BOC: variants seen among roughly 807,000 people sequenced by gnomAD.
BOC encodes the protein BOC cell adhesion associated, oncogene regulated.
A neutral mutation model predicts 112.0 loss-of-function variants in BOC; 76 were observed. The ratio of observed to expected loss-of-function variants is 0.68; its 90% CI spans 0.56 to 0.82. BOC has a LOEUF of 0.82. Ranked by LOEUF, BOC falls within the 40% of genes least tolerant of loss-of-function variation. The pLI is 0.00. For synonymous variants in BOC, 580 were observed against 599.8 expected (o/e 0.97, Z 0.48); for missense variants, 1,309 against 1,511.7 (o/e 0.87, Z 2.22).
At chr3:113,240,810 G>A (rs1435225827) in intron 2 of BOC, among the ~76,000 whole-genome samples, 1 of 152,074 alleles carries the variant, frequency 6.6e-6, no homozygotes, top group Non-Finnish European at 1.5e-5. Context: ...TCCTTTTTGA[G>A]CACTGGCGGG....
rs541196138 is a variant in BOC at position 113,264,330 on chromosome 3, C to CA, written c.377-3964dup. Among the ~76,000 whole-genome samples the CA allele has an allele frequency of 2.9e-4, 44 of 152,326 alleles. 1 individual carries two copies. In the East Asian group the frequency reaches 7.5e-3, roughly 26 times the overall value. On this transcript the variant is annotated intron_variant, in intron 4 of 19. Transcript: ENST00000682979. ...AGGGAAGGTAAGAGGATTAAAGCTG[C>CA]AAAAACATTCCTCTAATGGATTTCT... is the stretch of plus-strand genomic sequence containing the variant.
intron 16 of BOC, 146 bp downstream of exon 16, chr3:113,283,778 G>C (rs1305917726): frequency 2.7e-6 from 2 of 731,684 alleles, no homozygotes; most frequent in African/African-American, 3.6e-5. Flanking sequence ...CCAACGACTG[G>C]GCCCCTCCCC....
rs1949040305 is a variant in BOC at position 113,279,976 on chromosome 3, A to C, written c.2176A>C (p.Asn726His). 3.1e-6 allele frequency: 5 copies of C among 1,612,264 alleles called. No homozygotes were observed. Among genetic ancestry groups the C allele is most frequent in the Non-Finnish European group, 4.2e-6 (5 of 1,179,104 alleles). The change falls in exon 13 of 20, where the codon AAT becomes CAT. Residue 726 changes from asparagine to histidine, a missense_variant. By Grantham distance (68) the Asn-to-His change is moderately conservative (BLOSUM62 1). Coordinates refer to ENST00000682979, the MANE Select transcript of BOC (RefSeq NM_001378074.1). Reference protein sequence around the residue: ...GPYITFTDAVNETTIMLKWMY... With the variant: ...GPYITFTDAVHETTIMLKWMY... ...TTATATCACCTTCACGGATGCGGTC[A>C]ATGAGACCACCATCATGCTCAAGTG...
intron 2 of BOC, among the ~76,000 whole-genome samples, chr3:113,220,661 G>C (rs551590953): frequency 6.6e-6 from 1 of 152,166 alleles, no homozygotes; most frequent in Non-Finnish European, 1.5e-5. Context: ...TGCTTCTGTG[G>C]TTCTGTTTTT....
chr3:113,249,454 C>A (rs1374704349), intron 2 of BOC, among the ~76,000 whole-genome samples: 1 of 152,244 alleles, frequency 6.6e-6, no homozygotes, highest in Admixed American at 6.5e-5. Flanking sequence ...TCGTTGCTGT[C>A]CATCCACTGG....
intron 4 of BOC, among the ~76,000 whole-genome samples, chr3:113,259,114 A>G (rs1486518135): frequency 6.6e-6 from 1 of 152,208 alleles, no homozygotes; most frequent in Non-Finnish European, 1.5e-5. Context: ...TGCTCAGAGC[A>G]TCTTGGCAGC....
intron 15 of BOC, among the ~76,000 whole-genome samples, chr3:113,281,836 C>T (rs1350488027): frequency 2.0e-5 from 3 of 152,234 alleles, no homozygotes; most frequent in Admixed American, 6.5e-5. Context: ...CTCTCTCCTG[C>T]TTCACTGGCT....
intron 2 of BOC, among the ~76,000 whole-genome samples, chr3:113,235,756 A>G (rs1340044169): frequency 6.6e-6 from 1 of 152,246 alleles, no homozygotes; most frequent in Admixed American, 6.5e-5. Flanking sequence ...TCAAGGGTCT[A>G]CAAAACATTA....
At chr3:113,231,365 A>T (rs1038701262) in intron 2 of BOC, among the ~76,000 whole-genome samples, 2 of 152,238 alleles carry the variant, frequency 1.3e-5, no homozygotes, top group African/African-American at 4.8e-5. Context: ...CCAGATAACT[A>T]CACACCACAT....
In BOC at chr3:113,223,121, A is replaced by G. The variant is rs1941037714; in HGVS notation, c.-82+6847A>G. ...AATAAAAATAGGGATAAAGATCCTA[A>G]GAGGTCTTATGCTGACACCAAAGGT... On this transcript the variant is annotated intron_variant, in intron 2 of 19. Transcript: ENST00000682979. 2.6e-5 allele frequency among the ~76,000 whole-genome samples: 4 copies of G among 152,374 alleles called. No homozygotes were observed. In the South Asian group the frequency reaches 8.3e-4, roughly 32 times the overall value.
intron 13 of BOC, 34 bp downstream of exon 13, chr3:113,280,039 A>G (rs1038918596): frequency 1.9e-6 from 3 of 1,566,326 alleles, no homozygotes; most frequent in Non-Finnish European, 2.6e-6. Flanking sequence ...GCAGTGGAAG[A>G]CGGCCTCCCC....
chr3:113,238,754 A>G (rs1281671674), intron 2 of BOC, among the ~76,000 whole-genome samples: 2 of 152,176 alleles, frequency 1.3e-5, no homozygotes, highest in Non-Finnish European at 2.9e-5. Flanking sequence ...CAGTTTCCTA[A>G]TCTATGAAAT....
intron 2 of BOC, among the ~76,000 whole-genome samples, chr3:113,231,862 C>T (rs1296433076): frequency 6.6e-6 from 1 of 152,128 alleles, no homozygotes; most frequent in Non-Finnish European, 1.5e-5. Flanking sequence ...ATACTTACTG[C>T]ACTCCTACTA....
At chr3:113,268,136 C>G (rs1947706562) in intron 4 of BOC, among the ~76,000 whole-genome samples, 163 bp from the exon 5 acceptor site, 1 of 152,130 alleles carries the variant, frequency 6.6e-6, no homozygotes, top group Admixed American at 6.5e-5. Flanking sequence ...CTTACAAACT[C>G]CTGTAGACAA....
intron 2 of BOC, among the ~76,000 whole-genome samples, chr3:113,247,699 A>G (rs56130902): frequency 0.073 from 11,081 of 152,176 alleles, 614 homozygotes; most frequent in African/African-American, 0.16. Flanking sequence ...GTTAAAGGAA[A>G]TACATTGTGT....
chr3:113,286,893 A>ATT lies in BOC; in HGVS notation c.*32_*33dup. 1 of 1,470,784 alleles carries ATT rather than the reference A, an allele frequency of 6.8e-7. No homozygotes were observed. Among genetic ancestry groups the ATT allele is most frequent in the Non-Finnish European group, 9.1e-7 (1 of 1,104,152 alleles). 91.1% of individuals were successfully genotyped at this position (1,470,784 alleles called of 1,614,324 possible). ...AGCTGATATCCCAGAAAGACTATAT[A>ATT]TTGTTTTTTTTTTAAAAAAAAAAAG... On this transcript the variant is annotated 3_prime_UTR_variant, in exon 20 of 20. Transcript: ENST00000682979.
chr3:113,263,567 T>A (rs1050849494), intron 4 of BOC, among the ~76,000 whole-genome samples: 1 of 152,226 alleles, frequency 6.6e-6, no homozygotes, highest in Admixed American at 6.5e-5. Context: ...GATAGGTTTA[T>A]GGATTACACC....
intron 3 of BOC, 122 bp downstream of exon 3, chr3:113,250,021 C>A: frequency 1.3e-6 from 1 of 782,606 alleles, no homozygotes; most frequent in East Asian, 2.7e-5. Flanking sequence ...TTCCCATTGG[C>A]CTTCAGGGAC....
Position 113,270,960 on chromosome 3 carries a change from A to C in BOC, c.667+16A>C. On this transcript the variant is annotated intron_variant, in intron 6 of 19. Transcript: ENST00000682979. Reference sequence around the variant, plus strand: ...CGTGTGCGCCGTAAGGCCCGGGCCCACCTGCTGGGGGATGGGGGATCACTG... The same window carrying C: ...CGTGTGCGCCGTAAGGCCCGGGCCCCCCTGCTGGGGGATGGGGGATCACTG... 6.2e-7 allele frequency: 1 copy of C among 1,614,040 alleles called. No individual in the cohort carries two copies. The highest frequency in any genetic ancestry group is 1.7e-5 in the Admixed American group (1 of 60,030).
Sources: allele counts gnomAD v4.1 joint callset (sites outside exome capture counted in the v4.1 genomes callset), GRCh38; gene constraint gnomAD v4.1.1; transcripts MANE v1.5; gene names NCBI Gene and HGNC (gene_info 2026-07-23, HGNC 2026-07-21).